The following PRKCQ variants were observed in gnomAD, a reference collection of about 807,000 sequenced individuals.
PRKCQ encodes the protein protein kinase C theta type.
In PRKCQ, 41 loss-of-function variants were observed where a neutral mutation model predicts 91.2. That is an observed-to-expected ratio of 0.45 (90% CI 0.35 to 0.58). PRKCQ has a LOEUF of 0.58. PRKCQ is among the 20% of genes least tolerant of loss of function. PRKCQ has a pLI of 0.00. For synonymous variants in PRKCQ, 307 were observed against 316.9 expected, an observed-to-expected ratio of 0.97 and a Z score of 0.33; for missense variants, 673 against 896.5, an observed-to-expected ratio of 0.75 and a Z score of 3.18.
At chr10:6,448,837 C>T (rs1834476922) in intron 15 of PRKCQ, among the ~76,000 whole-genome samples, 2 of 152,010 alleles carry the variant, frequency 1.3e-5, no homozygotes, top group South Asian at 2.1e-4. Flanking sequence ...TGGAGTGGAC[C>T]TCTAGCAAAC....
In PRKCQ at chr10:6,485,157, T is replaced by C; in HGVS notation, c.1013A>G (p.Lys338Arg). The C allele has an allele frequency of 6.2e-7, 1 of 1,613,524 alleles. No individual in the cohort carries two copies. The highest frequency in any genetic ancestry group is 8.5e-7 in the Non-Finnish European group (1 of 1,179,504). ...ARPPCLPTPGKREPQGISWES... is the reference protein window; with the variant it reads ...ARPPCLPTPGRREPQGISWES... ...CTGCTGATCAGGACAGCTACCTCTT[T>C]TTCCCGGTGTCGGTAAACATGGCGG... Residue 338 changes from lysine to arginine, a missense_variant, in exon 10 of 18, where the codon AAA becomes AGA. Transcript: ENST00000263125.
chr10:6,577,384 T>C (rs564489127), intron 1 of PRKCQ, among the ~76,000 whole-genome samples: 2 of 152,340 alleles, frequency 1.3e-5, no homozygotes, highest in South Asian at 2.1e-4. Flanking sequence ...CATGACTTCT[T>C]CCTTAACAAT....
chr10:6,533,062 G>T (rs111934157), intron 1 of PRKCQ, among the ~76,000 whole-genome samples: 349 of 152,170 alleles, frequency 2.3e-3, no homozygotes, highest in African/African-American at 7.9e-3. Context: ...AAATAAGAAG[G>T]TACAGAGAAT....
chr10:6,498,378 G>A lies in PRKCQ; in HGVS notation c.542+18C>T. The A allele has an allele frequency of 6.2e-7, 1 of 1,613,170 alleles. No homozygotes were observed. The highest frequency in any genetic ancestry group is 2.2e-5 in the East Asian group (1 of 44,876). ...ATGCATAACCCGAAGCTTGGAGGGA[G>A]ATGCCAAGTTACTGTACCAGACAAA... On this transcript the variant is annotated intron_variant, in intron 5 of 17. Coordinates refer to ENST00000263125, the MANE Select transcript of PRKCQ (RefSeq NM_006257.5).
At chr10:6,450,167 G>C (rs1834573199) in intron 15 of PRKCQ, among the ~76,000 whole-genome samples, 1 of 149,982 alleles carries the variant, frequency 6.7e-6, no homozygotes, top group African/African-American at 2.5e-5. Flanking sequence ...AGACCCATCA[G>C]TGTGCTGTAT....
intron 1 of PRKCQ, among the ~76,000 whole-genome samples, chr10:6,524,684 T>C (rs1226968346): frequency 6.6e-6 from 1 of 152,236 alleles, no homozygotes; most frequent in Non-Finnish European, 1.5e-5. Flanking sequence ...ATGTTGAATA[T>C]GAACTTTTCT....
At chr10:6,511,320 A>C (rs1490068649) in intron 2 of PRKCQ, 126 bp from the exon 3 acceptor site, 3 of 858,242 alleles carry the variant, frequency 3.5e-6, no homozygotes, top group Non-Finnish European at 5.6e-6. Context: ...GGAAGACAAA[A>C]GTAGCACATA....
chr10:6,510,999 A>G lies in PRKCQ; in HGVS notation c.314T>C (p.Ile105Thr), dbSNP rs1440976611. The change falls in exon 3 of 18, where the codon ATA (isoleucine) becomes ACA (threonine). Residue 105 changes from isoleucine (I) to threonine (T), a missense_variant. Physicochemically the swap from Ile to Thr is moderately conservative, Grantham distance 89 (BLOSUM62 -1). Coordinates refer to ENST00000263125, the MANE Select transcript of PRKCQ (RefSeq NM_006257.5). ...RCRKNNGKTE[I>T]WLELKPQGRM... ...ATACACTTTATGCAACGTTACCCATATTTCTGTCTTCCCGTTGTTCTTCCT... is the reference window on the plus strand; with the variant it reads ...ATACACTTTATGCAACGTTACCCATGTTTCTGTCTTCCCGTTGTTCTTCCT... 1.4e-5 allele frequency: 22 copies of G among 1,613,734 alleles called. No individual in the cohort carries two copies. The highest frequency in any genetic ancestry group is 1.8e-5 in the Non-Finnish European group (21 of 1,179,936).
chr10:6,457,259 G>T (rs1049308645), intron 14 of PRKCQ, among the ~76,000 whole-genome samples: 1 of 152,100 alleles, frequency 6.6e-6, no homozygotes. Flanking sequence ...TCCATCCAAC[G>T]CCAGAATGTC....
intron 15 of PRKCQ, among the ~76,000 whole-genome samples, chr10:6,456,011 C>T (rs2132307323): frequency 6.6e-6 from 1 of 152,236 alleles, no homozygotes; most frequent in African/African-American, 2.4e-5. Flanking sequence ...AGGGGTGTCA[C>T]TAATCTCCCT....
At chr10:6,574,428 T>G (rs558813858) in intron 1 of PRKCQ, among the ~76,000 whole-genome samples, 1 of 152,292 alleles carries the variant, frequency 6.6e-6, no homozygotes, top group African/African-American at 2.4e-5. Flanking sequence ...ACAATCTGGG[T>G]TTGTACCTGT....
At chr10:6,404,472 T>C in the PRKCQ span, among the ~76,000 whole-genome samples, 1 of 151,058 alleles carries the variant, frequency 6.6e-6, no homozygotes, top group South Asian at 2.2e-4. Context: ...CCTTTTTTCC[T>C]TTTTTCTTTC....
intron 1 of PRKCQ, among the ~76,000 whole-genome samples, chr10:6,536,725 A>G (rs1839596822): frequency 6.6e-6 from 1 of 152,200 alleles, no homozygotes; most frequent in Non-Finnish European, 1.5e-5. Flanking sequence ...CTGATAGCAC[A>G]AAACAACCCC....
intron 15 of PRKCQ, 90 bp downstream of exon 15, chr10:6,456,584 T>C (rs1835018916): frequency 1.3e-6 from 2 of 1,509,290 alleles, no homozygotes; most frequent in South Asian, 2.6e-5. Flanking sequence ...ATGAAGATAT[T>C]TAAAACCTTC....
At chr10:6,525,701 A>T (rs1839173922) in intron 1 of PRKCQ, among the ~76,000 whole-genome samples, 1 of 152,226 alleles carries the variant, frequency 6.6e-6, no homozygotes. Context: ...GAGCAGGAGA[A>T]AAGAAAGGCT....
intron 1 of PRKCQ, among the ~76,000 whole-genome samples, chr10:6,534,852 T>A (rs932097948): frequency 1.3e-5 from 2 of 149,760 alleles, no homozygotes; most frequent in South Asian, 4.2e-4. Flanking sequence ...TGGGAAAAAA[T>A]TTGGAGTAAA....
chr10:6,571,036 A>C (rs1028734252), intron 1 of PRKCQ, among the ~76,000 whole-genome samples: 3 of 152,098 alleles, frequency 2.0e-5, no homozygotes, highest in Admixed American at 2.0e-4. Context: ...CGGAGGCAGG[A>C]GCAGCTGTGG....
intron 1 of PRKCQ, among the ~76,000 whole-genome samples, chr10:6,522,835 T>A (rs913258309): frequency 6.6e-6 from 1 of 152,160 alleles, no homozygotes; most frequent in African/African-American, 2.4e-5. Context: ...AACAAAGCAT[T>A]CAATGGTTTC....
Position 6,542,720 on chromosome 10 carries a change from A to C in PRKCQ, c.-9-27576T>G, listed in dbSNP as rs139182601. Among the ~76,000 whole-genome samples the C allele has an allele frequency of 3.9e-5, 6 of 152,236 alleles. No homozygotes were observed. In the East Asian group the frequency reaches 1.2e-3, roughly 29 times the overall value. On this transcript the variant is annotated intron_variant, in intron 1 of 17. Transcript: ENST00000263125. ...GTATGTCCTGGGCCATCAGAAGATCAGCTTAATATTAAATTTGACGTTACG... is the reference window on the plus strand; with the variant it reads ...GTATGTCCTGGGCCATCAGAAGATCCGCTTAATATTAAATTTGACGTTACG...
Sources: gnomAD v4.1 joint callset for allele counts (sites outside exome capture counted in the v4.1 genomes callset) on GRCh38, gnomAD v4.1.1 for gene constraint, MANE v1.5 for transcripts, NCBI Gene and HGNC (gene_info 2026-07-23, HGNC 2026-07-21) for gene names.